ABCA13: variants seen among roughly 807,000 people sequenced by gnomAD.
ABCA13 encodes ATP-binding cassette sub-family A member 13.
A neutral mutation model predicts 478.7 loss-of-function variants in ABCA13; 476 were observed. The observed-to-expected ratio is 0.99, with a 90% CI of 0.92 to 1.07. The LOEUF (loss-of-function observed/expected upper bound fraction) is 1.07. Ranked by LOEUF, ABCA13 falls within the 50% of genes least tolerant of loss-of-function variation. ABCA13 has a pLI of 0.00. For missense variants in ABCA13, 6,060 were observed against 5,910.6 expected, an observed-to-expected ratio of 1.03 and a Z score of -0.83; for synonymous variants, 2,252 against 2,158.9, an observed-to-expected ratio of 1.04 and a Z score of -1.20.
intron 55 of ABCA13, among the ~76,000 whole-genome samples, chr7:48,559,941 G>A (rs773614330): frequency 5.9e-5 from 9 of 152,154 alleles, no homozygotes; most frequent in Non-Finnish European, 1.2e-4. Flanking sequence ...ACAGAAGGAA[G>A]GAGTCACTTT....
chr7:48,205,582 A>G (rs1784824597), intron 3 of ABCA13, among the ~76,000 whole-genome samples: 1 of 152,208 alleles, frequency 6.6e-6, no homozygotes. Flanking sequence ...TTGTTCTTCC[A>G]TGTAAGTGTA....
intron 23 of ABCA13, among the ~76,000 whole-genome samples, chr7:48,309,502 TGAA>T (rs1169225474): frequency 6.6e-5 from 10 of 152,070 alleles, no homozygotes; most frequent in Admixed American, 1.3e-4. Context: ...AATCTAAAAA[TGAA>T]GGAGCAAAAA....
intron 21 of ABCA13, among the ~76,000 whole-genome samples, chr7:48,296,327 G>A (rs1799361818): frequency 6.6e-6 from 1 of 152,176 alleles, no homozygotes. Flanking sequence ...TTGACCCCAG[G>A]AGTTCAAGGC....
At chr7:48,611,466 G>A (rs1280116173) in intron 58 of ABCA13, among the ~76,000 whole-genome samples, 1 of 152,294 alleles carries the variant, frequency 6.6e-6, no homozygotes, top group South Asian at 2.1e-4. Flanking sequence ...ATAGAGAAAA[G>A]AAGTTTAACA....
intron 7 of ABCA13, among the ~76,000 whole-genome samples, chr7:48,230,717 A>G (rs1264959505): frequency 1.3e-5 from 2 of 151,636 alleles, no homozygotes; most frequent in Non-Finnish European, 2.9e-5. Flanking sequence ...CCATCCATCT[A>G]TCCATCTATT....
chr7:48,573,228 C>A (rs908270278), intron 55 of ABCA13, among the ~76,000 whole-genome samples: 1 of 151,834 alleles, frequency 6.6e-6, no homozygotes, highest in African/African-American at 2.4e-5. Flanking sequence ...TATAATTCAC[C>A]TCTTTTTCCT....
chr7:48,628,100 CG>C (rs141603234), intron 59 of ABCA13, among the ~76,000 whole-genome samples: 2,377 of 152,244 alleles, frequency 0.016, 51 homozygotes, highest in African/African-American at 0.053. Context: ...CTCTTTCCCC[CG>C]CTGTAAAGTT....
intron 49 of ABCA13, 92 bp downstream of exon 49, chr7:48,506,482 T>A (rs1271398651): frequency 4.9e-6 from 7 of 1,422,912 alleles, no homozygotes; most frequent in Admixed American, 1.7e-5. Flanking sequence ...CTCTTTTGCA[T>A]TTGCCCCAAG....
chr7:48,456,479 AAAAAT>A lies in ABCA13; in HGVS notation c.12815+1203_12815+1207del, dbSNP rs375094601. Among the ~76,000 whole-genome samples, 10 of 152,354 alleles carry A rather than the reference AAAAAT, an allele frequency of 6.6e-5. 1 individual carries two copies. The highest frequency in any genetic ancestry group is 2.4e-4 in the African/African-American group (10 of 41,590). ...AATAATACAAAGCACAGGCTAGCCA[AAAAAT>A]AAAATAAAAAACAATCACATGTAAT... is the stretch of plus-strand genomic sequence containing the variant. On this transcript the variant is annotated intron_variant, in intron 43 of 61. Coordinates refer to ENST00000435803, the MANE Select transcript of ABCA13 (RefSeq NM_152701.5).
rs145086100 is a variant in ABCA13 at position 48,339,195 on chromosome 7, A to G, written c.10204+740A>G. Among the ~76,000 whole-genome samples, 255 of 152,280 alleles carry G rather than the reference A, an allele frequency of 1.7e-3. 1 individual carries two copies. Among genetic ancestry groups the G allele is most frequent in the African/African-American group, 6.0e-3 (249 of 41,556 alleles). On this transcript the variant is annotated intron_variant, in intron 29 of 61. Transcript: ENST00000435803. The stretch of plus-strand genomic sequence containing the variant: ...GGAAAGGGTTTCGGATCTGCCTTAC[A>G]TATGAAAGTTAGAGGAAGGCAAGAC...
At chr7:48,636,305 C>T (rs1337122757) in intron 59 of ABCA13, among the ~76,000 whole-genome samples, 3 of 152,170 alleles carry the variant, frequency 2.0e-5, no homozygotes, top group Non-Finnish European at 2.9e-5. Context: ...CCAACCATAA[C>T]GTGGAGAAGC....
intron 42 of ABCA13, among the ~76,000 whole-genome samples, chr7:48,433,536 A>T (rs1462734314): frequency 1.3e-5 from 2 of 150,790 alleles, no homozygotes; most frequent in African/African-American, 4.9e-5. Context: ...ACATAATATA[A>T]ATTTTACCAT....
chr7:48,245,545 A>T lies in ABCA13; in HGVS notation c.1424A>T (p.Asp475Val). 6.2e-7 allele frequency: 1 copy of T among 1,613,038 alleles called. No individual in the cohort carries two copies. The highest frequency in any genetic ancestry group is 8.5e-7 in the Non-Finnish European group (1 of 1,179,606). ...ATTTGCCTGGAGACATCAGCTAATGATTTTAAATGGTTTGAACTTAACCAA... is the reference window on the plus strand; with the variant it reads ...ATTTGCCTGGAGACATCAGCTAATGTTTTTAAATGGTTTGAACTTAACCAA... The part of the protein sequence containing the change: ...VLICLETSAN[D>V]FKWFELNQLK... The change falls in exon 12 of 62, where the codon GAT (aspartate) becomes GTT (valine). Residue 475 changes from aspartate to valine, a missense_variant. This residue lies in a region of ABCA13 where 4,423 missense variants were observed against 4,309.1 expected (regional missense o/e 1.03). Coordinates refer to ENST00000435803, the MANE Select transcript of ABCA13 (RefSeq NM_152701.5).
intron 49 of ABCA13, among the ~76,000 whole-genome samples, chr7:48,506,779 C>T (rs557031156): frequency 7.9e-4 from 121 of 152,224 alleles, no homozygotes; most frequent in South Asian, 3.3e-3. Context: ...GCAAGATTTT[C>T]CTCCTGATCC....
chr7:48,242,330 A>G (rs17712156), intron 10 of ABCA13, among the ~76,000 whole-genome samples: 14,972 of 152,106 alleles, frequency 0.098, 836 homozygotes, highest in South Asian at 0.17. Flanking sequence ...CAAAGCTAGG[A>G]TAGCCCACAT....
chr7:48,477,238 C>G (rs1828202638), intron 45 of ABCA13, among the ~76,000 whole-genome samples: 1 of 152,010 alleles, frequency 6.6e-6, no homozygotes, highest in African/African-American at 2.4e-5. Context: ...AGTCAGGAAA[C>G]AACAGGTGCT....
At chr7:48,238,287 G>T (rs1012015388) in intron 8 of ABCA13, among the ~76,000 whole-genome samples, 1 of 152,114 alleles carries the variant, frequency 6.6e-6, no homozygotes, top group Non-Finnish European at 1.5e-5. Context: ...TGGGGGCTAG[G>T]ATTTCAAAAT....
chr7:48,347,129 G>T (rs965999504), intron 29 of ABCA13, among the ~76,000 whole-genome samples: 1 of 152,156 alleles, frequency 6.6e-6, no homozygotes, highest in Non-Finnish European at 1.5e-5. Context: ...GCTGTCTCCA[G>T]AACCTGATAC....
intron 29 of ABCA13, among the ~76,000 whole-genome samples, chr7:48,348,216 C>T (rs1458997776): frequency 6.6e-6 from 1 of 152,180 alleles, no homozygotes; most frequent in African/African-American, 2.4e-5. Flanking sequence ...ACTGGTGGGC[C>T]TTACAGTGGC....
Sources: gnomAD v4.1 joint callset for allele counts (sites outside exome capture counted in the v4.1 genomes callset) on GRCh38, gnomAD v4.1.1 for gene constraint, gnomAD v4.1.1 regional missense constraint, MANE v1.5 for transcripts, NCBI Gene and HGNC (gene_info 2026-07-23, HGNC 2026-07-21) for gene names.